The following MRAS variants were observed in gnomAD, a reference collection of about 807,000 sequenced individuals.
MRAS encodes muscle RAS oncogene homolog, also known as ras-related protein M-Ras.
In MRAS, 4 loss-of-function variants were observed where a neutral mutation model predicts 20.9. The ratio of observed to expected loss-of-function variants is 0.19; its 90% CI spans 0.09 to 0.44. The LOEUF (loss-of-function observed/expected upper bound fraction) is 0.44. Ranked by LOEUF, MRAS falls within the 20% of genes least tolerant of loss-of-function variation. The probability of loss-of-function intolerance (pLI) is 0.99; values close to 1 mark genes in which losing one functional copy is unlikely to be tolerated. For synonymous variants in MRAS, 98 were observed against 102.9 expected (o/e 0.95, Z 0.29); for missense variants, 154 against 277.5 (o/e 0.56, Z 3.16).
chr3:138,372,034 A>T (rs2054684591), intron 1 of MRAS, among the ~76,000 whole-genome samples: 1 of 152,170 alleles, frequency 6.6e-6, no homozygotes, highest in Admixed American at 6.5e-5. Flanking sequence ...TCTCAACCTC[A>T]GCACTATTGA....
chr3:138,397,538 T>A, intron 3 of MRAS, 61 bp downstream of exon 3: 1 of 1,176,266 alleles, frequency 8.5e-7, no homozygotes, highest in South Asian at 1.7e-5. Context: ...CCTAGGGCGC[T>A]CTCTCTCTCT....
At chr3:138,389,677 G>A (rs2055089659) in intron 2 of MRAS, among the ~76,000 whole-genome samples, 1 of 151,810 alleles carries the variant, frequency 6.6e-6, no homozygotes, top group African/African-American at 2.4e-5. Flanking sequence ...CTTCTTCCTG[G>A]TGCATGGCCT....
intron 1 of MRAS, among the ~76,000 whole-genome samples, chr3:138,364,657 A>G (rs1436128307): frequency 6.6e-6 from 1 of 152,202 alleles, no homozygotes; most frequent in Admixed American, 6.5e-5. Flanking sequence ...GTGCTAGAAA[A>G]TAAGGGTTTC....
chr3:138,366,101 C>G lies in MRAS; in HGVS notation c.-18-6765C>G. Reference sequence around the variant, plus strand: ...CTTAAGGGATGCCAAGTGGCCTAGACCCCTCTGGGGTCACATGCCATTAAC... The same window carrying G: ...CTTAAGGGATGCCAAGTGGCCTAGAGCCCTCTGGGGTCACATGCCATTAAC... On this transcript the variant is annotated intron_variant, in intron 1 of 5. Transcript: ENST00000423968. Among the ~76,000 whole-genome samples the G allele has an allele frequency of 1.3e-5, 2 of 152,326 alleles. 1 individual carries two copies. The highest frequency in any genetic ancestry group is 4.1e-4 in the South Asian group (2 of 4,822).
intron 1 of MRAS, among the ~76,000 whole-genome samples, chr3:138,360,059 A>G (rs1022964343): frequency 1.3e-5 from 2 of 152,232 alleles, no homozygotes; most frequent in African/African-American, 4.8e-5. Context: ...GCGGGGTGTC[A>G]GTAATCTCCT....
intron 1 of MRAS, among the ~76,000 whole-genome samples, chr3:138,364,951 A>C (rs1187116795): frequency 6.6e-6 from 1 of 152,214 alleles, no homozygotes; most frequent in Non-Finnish European, 1.5e-5. Context: ...CTCCTGGATC[A>C]GCTGCCTCTG....
chr3:138,373,595 C>T (rs1420364670), intron 2 of MRAS, among the ~76,000 whole-genome samples: 3 of 152,200 alleles, frequency 2.0e-5, no homozygotes, highest in Non-Finnish European at 4.4e-5. Context: ...CAGGCCCATA[C>T]TGATTTGGAA....
chr3:138,379,245 T>C (rs1175051906), intron 2 of MRAS, among the ~76,000 whole-genome samples: 1 of 152,192 alleles, frequency 6.6e-6, no homozygotes, highest in African/African-American at 2.4e-5. Flanking sequence ...TCCACTGTTT[T>C]AGCTCCCACA....
intron 1 of MRAS, chr3:138,350,531 T>TG (rs1444835907): frequency 2.0e-5 from 3 of 152,178 alleles, no homozygotes; most frequent in South Asian, 4.2e-4. Context: ...TTCCTAAAGC[T>TG]GGGGGCGGGA....
chr3:138,398,282 GC>G (rs2108563284), intron 3 of MRAS, among the ~76,000 whole-genome samples, 186 bp from the exon 4 acceptor site: 1 of 152,326 alleles, frequency 6.6e-6, no homozygotes, highest in South Asian at 2.1e-4. Context: ...ATAGCCAGCA[GC>G]CCCCGGGCCC....
chr3:138,381,228 G>A (rs1210947281), intron 2 of MRAS, among the ~76,000 whole-genome samples: 1 of 152,202 alleles, frequency 6.6e-6, no homozygotes, highest in African/African-American at 2.4e-5. Context: ...CTGAGTCCCT[G>A]CTTTCCTTCT....
intron 1 of MRAS, among the ~76,000 whole-genome samples, chr3:138,371,963 A>G (rs1317315498): frequency 6.6e-6 from 1 of 151,990 alleles, no homozygotes; most frequent in African/African-American, 2.4e-5. Context: ...TTAAGGCCCA[A>G]TTATTCTTTA....
chr3:138,392,042 G>A (rs573019203), intron 2 of MRAS, among the ~76,000 whole-genome samples: 1 of 152,284 alleles, frequency 6.6e-6, no homozygotes, highest in Admixed American at 6.5e-5. Flanking sequence ...GGAGGCTGAG[G>A]CAGGAGAATC....
chr3:138,379,357 C>CTT (rs35120152), intron 2 of MRAS, among the ~76,000 whole-genome samples: 4,299 of 77,604 alleles, frequency 0.055, 345 homozygotes, highest in African/African-American at 0.16. Flanking sequence ...GACAGAATGT[C>CTT]TTTTTTTTTT....
chr3:138,388,084 G>T (rs2055054670), intron 2 of MRAS, among the ~76,000 whole-genome samples: 1 of 152,170 alleles, frequency 6.6e-6, no homozygotes, highest in Admixed American at 6.5e-5. Flanking sequence ...TTCCCCTTGG[G>T]GAGTCCCAGG....
intron 2 of MRAS, among the ~76,000 whole-genome samples, chr3:138,392,560 G>T (rs2055154774): frequency 1.3e-5 from 2 of 152,122 alleles, no homozygotes; most frequent in South Asian, 4.1e-4. Flanking sequence ...TATGATTGAT[G>T]ACTGCGGCAC....
chr3:138,399,413 G>A (rs2055311621), intron 4 of MRAS, among the ~76,000 whole-genome samples: 1 of 152,188 alleles, frequency 6.6e-6, no homozygotes, highest in African/African-American at 2.4e-5. Context: ...CGCTTTGTGT[G>A]TCTGTTGGCT....
intron 3 of MRAS, 115 bp from the exon 4 acceptor site, chr3:138,398,354 G>C: frequency 1.2e-6 from 1 of 821,548 alleles, no homozygotes; most frequent in Admixed American, 1.9e-5. Flanking sequence ...AGTCCAGGCT[G>C]ACTGGGGAGG....
chr3:138,380,814 G>C (rs965241360), intron 2 of MRAS, among the ~76,000 whole-genome samples: 3 of 151,400 alleles, frequency 2.0e-5, no homozygotes, highest in Non-Finnish European at 4.4e-5. Flanking sequence ...TCTGTCGCCA[G>C]GCTGGAGTGC....
Sources: gnomAD v4.1 joint callset for allele counts (sites outside exome capture counted in the v4.1 genomes callset) on GRCh38, gnomAD v4.1.1 for gene constraint, MANE v1.5 for transcripts, NCBI Gene and HGNC (gene_info 2026-07-23, HGNC 2026-07-21) for gene names.